The following MAF variants were observed in gnomAD, a reference collection of about 807,000 sequenced individuals.
MAF encodes MAF bZIP transcription factor, also known as transcription factor Maf.
MAF carries 10 observed loss-of-function variants against 22.0 expected under a neutral mutation model. The ratio of observed to expected loss-of-function variants is 0.45; its 90% CI spans 0.28 to 0.77. MAF has a LOEUF of 0.77. MAF is among the 30% of genes least tolerant of loss of function. The pLI, the probability that MAF is intolerant of heterozygous loss-of-function variation, is 0.12. For synonymous variants in MAF, 337 were observed against 255.8 expected (o/e 1.32, Z -3.03); for missense variants, 544 against 548.4 (o/e 0.99, Z 0.08).
At chr16:79,237,260 C>G in the MAF span, among the ~76,000 whole-genome samples, 1 of 152,024 alleles carries the variant, frequency 6.6e-6, no homozygotes, top group African/African-American at 2.4e-5. Flanking sequence ...CAGGGAGCCA[C>G]GGAAACAACT....
At chr16:79,543,121 G>C in the MAF span, among the ~76,000 whole-genome samples, 16 of 152,186 alleles carry the variant, frequency 1.1e-4, no homozygotes, top group Non-Finnish European at 2.2e-4. Context: ...AGACAAAGTG[G>C]GAACATTCGT....
At chr16:79,279,505 G>A in the MAF span, among the ~76,000 whole-genome samples, 17 of 152,286 alleles carry the variant, frequency 1.1e-4, no homozygotes, top group South Asian at 2.1e-4. Flanking sequence ...AGGCTGAAGC[G>A]GGGAGCACAG....
chr16:79,213,586 T>C, the MAF span, among the ~76,000 whole-genome samples: 1 of 152,224 alleles, frequency 6.6e-6, no homozygotes, highest in Non-Finnish European at 1.5e-5. Context: ...CCTTTCCTTG[T>C]TGATCTTTGG....
At chr16:79,592,965 G>A (rs191994182), downstream of MAF, among the ~76,000 whole-genome samples, 5 of 152,322 alleles carry the variant, frequency 3.3e-5, no homozygotes, top group East Asian at 9.6e-4. Flanking sequence ...GCTAAGAAGA[G>A]CTTGGTTGTG....
chr16:79,493,690 T>C, the MAF span, among the ~76,000 whole-genome samples: 3 of 152,302 alleles, frequency 2.0e-5, no homozygotes, highest in East Asian at 5.8e-4. Flanking sequence ...ACAAAAGAGT[T>C]GATAAAAGGG....
the MAF span, among the ~76,000 whole-genome samples, chr16:79,329,265 G>A: frequency 6.6e-6 from 1 of 152,106 alleles, no homozygotes; most frequent in Non-Finnish European, 1.5e-5. Context: ...ATAAGAAGGG[G>A]GCTGCCAGTG....
chr16:79,272,376 G>C, the MAF span, among the ~76,000 whole-genome samples: 1 of 152,248 alleles, frequency 6.6e-6, no homozygotes, highest in Non-Finnish European at 1.5e-5. Flanking sequence ...AAGAGTAACA[G>C]GCTCAGGCTG....
chr16:79,532,487 G>A, the MAF span, among the ~76,000 whole-genome samples: 2,398 of 152,318 alleles, frequency 0.016, 64 homozygotes, highest in African/African-American at 0.055. Flanking sequence ...AATCTGATAG[G>A]TGGTCAACTG....
chr16:79,255,520 C>G, the MAF span, among the ~76,000 whole-genome samples: 1 of 152,208 alleles, frequency 6.6e-6, no homozygotes, highest in Admixed American at 6.5e-5. Context: ...GCAGCATTCA[C>G]CTCACAACAA....
the MAF span, among the ~76,000 whole-genome samples, chr16:79,331,464 G>A: frequency 5.9e-5 from 9 of 152,154 alleles, no homozygotes; most frequent in African/African-American, 2.2e-4. Context: ...TTTGAAGTTT[G>A]CCTTTCTTTC....
At chr16:79,371,832 G>C in the MAF span, among the ~76,000 whole-genome samples, 1 of 152,236 alleles carries the variant, frequency 6.6e-6, no homozygotes, top group African/African-American at 2.4e-5. Flanking sequence ...TCAGCATGCA[G>C]CTCTGCCGAG....
At chr16:79,365,250 C>T in the MAF span, among the ~76,000 whole-genome samples, 11 of 152,300 alleles carry the variant, frequency 7.2e-5, no homozygotes, top group East Asian at 1.9e-4. Context: ...TTTTTCCCCA[C>T]GATAGGTAGG....
chr16:79,225,824 A>G, the MAF span, among the ~76,000 whole-genome samples: 4 of 152,228 alleles, frequency 2.6e-5, no homozygotes, highest in African/African-American at 9.6e-5. Flanking sequence ...CACAAACACA[A>G]TGAGATACCA....
chr16:79,295,792 C>T, the MAF span, among the ~76,000 whole-genome samples: 1 of 152,218 alleles, frequency 6.6e-6, no homozygotes, highest in Non-Finnish European at 1.5e-5. Context: ...AAGAACTTTT[C>T]CCTATTTTAA....
At chr16:79,575,150 C>T in the MAF span, among the ~76,000 whole-genome samples, 2 of 151,906 alleles carry the variant, frequency 1.3e-5, no homozygotes, top group African/African-American at 4.8e-5. Context: ...TTCAGAGACC[C>T]GTTTATGCCC....
At chr16:79,557,326 A>G in the MAF span, among the ~76,000 whole-genome samples, 4 of 152,034 alleles carry the variant, frequency 2.6e-5, no homozygotes, top group Non-Finnish European at 5.9e-5. Flanking sequence ...TGAGGGTGGA[A>G]GAGGAGAAAA....
the MAF span, among the ~76,000 whole-genome samples, chr16:79,569,414 G>A: frequency 6.6e-6 from 1 of 152,162 alleles, no homozygotes; most frequent in East Asian, 1.9e-4. Context: ...GCTGGGGATG[G>A]GATGTGGTCT....
At chr16:79,494,982 G>A in the MAF span, among the ~76,000 whole-genome samples, 6 of 152,254 alleles carry the variant, frequency 3.9e-5, no homozygotes, top group South Asian at 4.2e-4. Context: ...TGGAAGCAAC[G>A]CATAAGGACA....
chr16:79,242,969 G>A, the MAF span, among the ~76,000 whole-genome samples: 3 of 152,120 alleles, frequency 2.0e-5, no homozygotes, highest in Non-Finnish European at 4.4e-5. Flanking sequence ...ATAACAAAAT[G>A]AAGGCAGAAA....
Sources: allele counts gnomAD v4.1 joint callset (sites outside exome capture counted in the v4.1 genomes callset), GRCh38; gene constraint gnomAD v4.1.1; transcripts MANE v1.5; gene names NCBI Gene and HGNC (gene_info 2026-07-23, HGNC 2026-07-21).